The following ALK variants were observed in gnomAD, a reference collection of about 807,000 sequenced individuals.
ALK encodes the protein ALK tyrosine kinase receptor.
In ALK, 74 loss-of-function variants were observed where a neutral mutation model predicts 163.1. That is an observed-to-expected ratio of 0.45 (90% CI 0.38 to 0.55). The LOEUF (loss-of-function observed/expected upper bound fraction) is 0.55. Ranked by LOEUF, ALK falls within the 20% of genes least tolerant of loss-of-function variation. The pLI, the probability that ALK is intolerant of heterozygous loss-of-function variation, is 0.00. For synonymous variants in ALK, 960 were observed against 843.2 expected, an observed-to-expected ratio of 1.14 and a Z score of -2.40; for missense variants, 2,063 against 2,105.3, an observed-to-expected ratio of 0.98 and a Z score of 0.39.
chr2:29,542,115 T>A (rs1229671086), intron 3 of ALK, among the ~76,000 whole-genome samples: 1 of 152,206 alleles, frequency 6.6e-6, no homozygotes, highest in Non-Finnish European at 1.5e-5. Flanking sequence ...CTCCAATTAA[T>A]CTGCCCTTTG....
intron 3 of ALK, among the ~76,000 whole-genome samples, chr2:29,623,632 G>A (rs1049128004): frequency 6.6e-6 from 1 of 152,194 alleles, no homozygotes; most frequent in African/African-American, 2.4e-5. Flanking sequence ...GTAAGTAATA[G>A]AGTCTGAATT....
At chr2:29,343,261 T>G (rs1573258143) in intron 5 of ALK, among the ~76,000 whole-genome samples, 1 of 147,254 alleles carries the variant, frequency 6.8e-6, no homozygotes, top group African/African-American at 2.5e-5. Context: ...CAGGCTGGAG[T>G]GCAGTGGCAC....
chr2:29,491,723 C>A (rs1422095758), intron 4 of ALK, among the ~76,000 whole-genome samples: 1 of 152,108 alleles, frequency 6.6e-6, no homozygotes, highest in Non-Finnish European at 1.5e-5. Context: ...TAACGTGTGT[C>A]CTTCTTTAAC....
intron 7 of ALK, 110 bp from the exon 8 acceptor site, chr2:29,318,514 G>T (rs1666902305): frequency 1.3e-6 from 1 of 783,750 alleles, no homozygotes. Flanking sequence ...GGATATCTTT[G>T]AGGAAACAGG....
chr2:29,687,798 T>C (rs1381298711), intron 3 of ALK, among the ~76,000 whole-genome samples: 2 of 152,202 alleles, frequency 1.3e-5, no homozygotes, highest in Non-Finnish European at 2.9e-5. Context: ...GTTCCAAATA[T>C]TTCCCCATAT....
chr2:29,714,188 C>A (rs1260740353), intron 2 of ALK, among the ~76,000 whole-genome samples: 2 of 152,114 alleles, frequency 1.3e-5, no homozygotes, highest in Non-Finnish European at 2.9e-5. Context: ...TTTCTTTAGA[C>A]GTCCTCCCTC....
chr2:29,234,281 G>A (rs1299500123), intron 13 of ALK, among the ~76,000 whole-genome samples: 2 of 152,198 alleles, frequency 1.3e-5, no homozygotes, highest in African/African-American at 2.4e-5. Flanking sequence ...AAACGGAACA[G>A]TGTGATCATG....
At chr2:29,699,454 A>C (rs1431297664) in intron 2 of ALK, among the ~76,000 whole-genome samples, 1 of 152,352 alleles carries the variant, frequency 6.6e-6, no homozygotes, top group South Asian at 2.1e-4. Flanking sequence ...ATAATGCAGA[A>C]TATCCAGTGT....
At chr2:29,804,209 GAT>G (rs1322458455) in intron 1 of ALK, among the ~76,000 whole-genome samples, 2 of 152,256 alleles carry the variant, frequency 1.3e-5, no homozygotes, top group Non-Finnish European at 2.9e-5. Flanking sequence ...TGAATGTAAA[GAT>G]ATGTTTCCAA....
intron 11 of ALK, among the ~76,000 whole-genome samples, chr2:29,258,998 A>G (rs946303469): frequency 6.6e-6 from 1 of 152,158 alleles, no homozygotes; most frequent in Non-Finnish European, 1.5e-5. Flanking sequence ...ATACACATAC[A>G]TATGTATATC....
intron 4 of ALK, among the ~76,000 whole-genome samples, chr2:29,388,499 A>T (rs1222937868): frequency 1.3e-5 from 2 of 152,216 alleles, no homozygotes; most frequent in Non-Finnish European, 2.9e-5. Flanking sequence ...CAGCTCCACC[A>T]TCCACCACCC....
intron 4 of ALK, among the ~76,000 whole-genome samples, chr2:29,437,407 G>T (rs148727048): frequency 2.0e-5 from 3 of 152,118 alleles, no homozygotes; most frequent in African/African-American, 7.2e-5. Flanking sequence ...TCTCCCATTA[G>T]ACACAGAATG....
chr2:29,432,931 C>G (rs150990174), intron 4 of ALK, among the ~76,000 whole-genome samples: 1 of 152,298 alleles, frequency 6.6e-6, no homozygotes, highest in African/African-American at 2.4e-5. Context: ...TAGCTATGAG[C>G]TATTGATCAT....
At chr2:29,864,188 C>G (rs1011311643) in intron 1 of ALK, among the ~76,000 whole-genome samples, 6 of 152,186 alleles carry the variant, frequency 3.9e-5, no homozygotes, top group African/African-American at 1.4e-4. Context: ...GGTCTGTGCT[C>G]TTGTCCCTGG....
rs937046681 is a variant in ALK at position 29,246,387 on chromosome 2, C to T, written c.2204+4718G>A. Among the ~76,000 whole-genome samples, 3 of 152,144 alleles carry T rather than the reference C, an allele frequency of 2.0e-5. No individual in the cohort carries two copies. Among genetic ancestry groups the T allele is most frequent in the Non-Finnish European group, 4.4e-5 (3 of 68,014 alleles). On this transcript the variant is annotated intron_variant, in intron 12 of 28. Transcript: ENST00000389048. The surrounding 1 kb of genome is among the most constrained non-coding windows in gnomAD (Gnocchi z 4.3). Reference sequence around the variant, plus strand: ...CATCTGTCTCCATTTTATGACAACACGAGGATGCTGTCCCCCTCCCCAGCA... The same window carrying T: ...CATCTGTCTCCATTTTATGACAACATGAGGATGCTGTCCCCCTCCCCAGCA...
intron 1 of ALK, among the ~76,000 whole-genome samples, chr2:29,907,894 C>T (rs548024168): frequency 6.6e-6 from 1 of 152,154 alleles, no homozygotes; most frequent in Non-Finnish European, 1.5e-5. Context: ...CTCTTCCCAA[C>T]TGTCTTCTTT....
At chr2:29,552,824 G>T (rs937433809) in intron 3 of ALK, among the ~76,000 whole-genome samples, 2 of 152,072 alleles carry the variant, frequency 1.3e-5, no homozygotes, top group African/African-American at 2.4e-5. Flanking sequence ...TCTGCCTCTG[G>T]GATAAAAAGT....
intron 4 of ALK, among the ~76,000 whole-genome samples, chr2:29,527,648 C>T (rs1307787215): frequency 2.6e-5 from 4 of 152,168 alleles, no homozygotes; most frequent in Admixed American, 2.0e-4. Flanking sequence ...GCTGGGATTA[C>T]AGGCATGTAC....
chr2:29,707,234 G>A (rs544009069), intron 2 of ALK, among the ~76,000 whole-genome samples: 5 of 152,140 alleles, frequency 3.3e-5, no homozygotes, highest in East Asian at 1.9e-4. Flanking sequence ...ATATGCAGAC[G>A]GACCTCCCCA....
Sources: allele counts gnomAD v4.1 joint callset (sites outside exome capture counted in the v4.1 genomes callset), GRCh38; gene constraint gnomAD v4.1.1; non-coding constraint Gnocchi (gnomAD v3.1); transcripts MANE v1.5; gene names NCBI Gene and HGNC (gene_info 2026-07-23, HGNC 2026-07-21).